The following SLMAP variants were observed in gnomAD, a reference collection of about 807,000 sequenced individuals.
SLMAP encodes sarcolemma associated protein, also known as sarcolemmal membrane-associated protein.
In SLMAP, 44 loss-of-function variants were observed where a neutral mutation model predicts 128.8. That is an observed-to-expected ratio of 0.34 (90% CI 0.27 to 0.44). The LOEUF (loss-of-function observed/expected upper bound fraction) is 0.44. Ranked by LOEUF, SLMAP falls within the 20% of genes least tolerant of loss-of-function variation. The probability of loss-of-function intolerance (pLI) is 1.00; values close to 1 mark genes in which losing one functional copy is unlikely to be tolerated. For missense variants in SLMAP, 787 were observed against 985.3 expected, an observed-to-expected ratio of 0.80 and a Z score of 2.69; for synonymous variants, 327 against 348.8, an observed-to-expected ratio of 0.94 and a Z score of 0.70.
intron 2 of SLMAP, among the ~76,000 whole-genome samples, chr3:57,807,980 C>T (rs560969819): frequency 7.9e-5 from 12 of 152,266 alleles, no homozygotes; most frequent in African/African-American, 2.9e-4. Flanking sequence ...GATTCAGCTT[C>T]TTCCTGGTTT....
At chr3:57,908,304 A>G (rs567969551) in intron 18 of SLMAP, among the ~76,000 whole-genome samples, 1 of 152,246 alleles carries the variant, frequency 6.6e-6, no homozygotes, top group Admixed American at 6.5e-5. Context: ...TCAAATTTCT[A>G]AATTTTTATT....
At chr3:57,910,294 A>G (rs1359571470) in intron 19 of SLMAP, among the ~76,000 whole-genome samples, 2 of 151,980 alleles carry the variant, frequency 1.3e-5, no homozygotes, top group African/African-American at 4.8e-5. Flanking sequence ...AGTTCAAGTG[A>G]TTCTGGAGCC....
At chr3:57,783,629 G>T (rs1000022901) in intron 2 of SLMAP, among the ~76,000 whole-genome samples, 1 of 152,222 alleles carries the variant, frequency 6.6e-6, no homozygotes, top group Non-Finnish European at 1.5e-5. Flanking sequence ...GCTATGTAAA[G>T]AGTGAAAAGG....
At chr3:57,885,234 G>C in intron 14 of SLMAP, among the ~76,000 whole-genome samples, 1 of 151,192 alleles carries the variant, frequency 6.6e-6, no homozygotes. Flanking sequence ...CACCACGCCC[G>C]GCTAAATTTG....
chr3:57,853,351 T>C (rs953272700), intron 6 of SLMAP, among the ~76,000 whole-genome samples: 14 of 152,322 alleles, frequency 9.2e-5, no homozygotes, highest in African/African-American at 2.9e-4. Context: ...AGACAAAATT[T>C]TCCGTAGTCA....
At chr3:57,869,017 A>ATATGTGTATTATATATATAATATATAT (rs2095400282) in intron 13 of SLMAP, among the ~76,000 whole-genome samples, 1 of 139,298 alleles carries the variant, frequency 7.2e-6, no homozygotes, top group African/African-American at 2.7e-5. Context: ...AATATATATT[A>ATATGTGTATTATATATATAATATATAT]TATGTGTATT....
Position 57,912,536 on chromosome 3 carries a change from A to G in SLMAP, c.1855A>G (p.Ile619Val), listed in dbSNP as rs201788826. 12 of 1,614,174 alleles carry G rather than the reference A, an allele frequency of 7.4e-6. No individual in the cohort carries two copies. The highest frequency in any genetic ancestry group is 5.5e-5 in the South Asian group (5 of 91,076). The change falls in exon 20 of 25, where the codon ATT becomes GTT. Residue 619 changes from isoleucine (I) to valine (V), a missense_variant. Ile to Val is a conservative substitution (Grantham distance 29). Coordinates refer to ENST00000671191, the MANE Select transcript of SLMAP (RefSeq NM_001377540.1). Reference protein sequence around the residue: ...AKVASERDTDIASLQEELKKV... With the variant: ...AKVASERDTDVASLQEELKKV... ...GGTTGCCTCTGAGCGGGACACTGAC[A>G]TTGCTTCTTTACAAGAAGAGCTTAA...
intron 3 of SLMAP, among the ~76,000 whole-genome samples, chr3:57,839,700 C>T (rs952623071): frequency 1.4e-4 from 21 of 152,002 alleles, no homozygotes; most frequent in African/African-American, 4.3e-4. Flanking sequence ...GCCTCCCAGG[C>T]TCAAGCGATT....
intron 2 of SLMAP, among the ~76,000 whole-genome samples, chr3:57,826,615 A>G (rs2092944159): frequency 1.3e-5 from 2 of 152,156 alleles, no homozygotes; most frequent in South Asian, 4.1e-4. Context: ...TTCCACTCCC[A>G]GCAGTTTTCC....
Position 57,847,183 on chromosome 3 carries a change from A to AT in SLMAP, c.420-10dup, listed in dbSNP as rs2094297470. On this transcript the variant is annotated splice_polypyrimidine_tract_variant and intron_variant, in intron 4 of 24. Transcript: ENST00000671191. ...TCCGGATATTAGATAAAACTTCTAA[A>AT]TTTTACTTTTCAGTGTCATCCATGC... is the stretch of plus-strand genomic sequence containing the variant. The AT allele has an allele frequency of 8.8e-6, 14 of 1,582,006 alleles. No individual in the cohort carries two copies. Among genetic ancestry groups the AT allele is most frequent in the Non-Finnish European group, 1.0e-5 (12 of 1,157,470 alleles).
At chr3:57,807,252 C>G (rs1330379168) in intron 2 of SLMAP, among the ~76,000 whole-genome samples, 1 of 152,076 alleles carries the variant, frequency 6.6e-6, no homozygotes, top group Non-Finnish European at 1.5e-5. Context: ...CTTATAGATT[C>G]TGGATATTAG....
rs767741519 is a variant in SLMAP, at chr3:57,853,941, CA to C, written c.520-3779del. On this transcript the variant is annotated intron_variant, in intron 6 of 24. Coordinates refer to ENST00000671191, the MANE Select transcript of SLMAP (RefSeq NM_001377540.1). The stretch of plus-strand genomic sequence containing the variant: ...GGACAATAAGGGTGAAATTCTGTCT[CA>C]AAAAAAAAAAAATTATATATATATA... Among the ~76,000 whole-genome samples, 140 of 38,092 alleles carry C rather than the reference CA, an allele frequency of 3.7e-3. 4 individuals are homozygous for C. Among genetic ancestry groups the C allele is most frequent in the African/African-American group, 0.011 (98 of 8,700 alleles). 25.0% of individuals were successfully genotyped at this position (38,092 alleles called of 152,430 possible). A position where few individuals can be genotyped will look rare whatever the true frequency, so the allele number is the denominator to read the frequency against.
At position 57,885,771 on chromosome 3, in the gene SLMAP, CTTTTTTTTTTTTT is replaced by C. The variant is rs35541333; in HGVS notation, c.1301-4252_1301-4240del. 3.0e-4 allele frequency among the ~76,000 whole-genome samples: 16 copies of C among 53,564 alleles called. 1 individual carries two copies. Among genetic ancestry groups the C allele is most frequent in the Middle Eastern group, 0.019 (1 of 54 alleles). 35.1% of individuals were successfully genotyped at this position (53,564 alleles called of 152,430 possible). ...TTGTTTTGCTTTTCGGTTTTTGGTT[CTTTTTTTTTTTTT>C]TTTTTTTTTTTTTTTTTGAGACAGA... On this transcript the variant is annotated intron_variant, in intron 14 of 24. Transcript: ENST00000671191.
In SLMAP at chr3:57,808,308, T is replaced by C. The variant is rs536262974; in HGVS notation, c.199-23075T>C. On this transcript the variant is annotated intron_variant, in intron 2 of 24. Coordinates refer to ENST00000671191, the MANE Select transcript of SLMAP (RefSeq NM_001377540.1). ...TTCTTGTCTTTTGCTAGCTTTTGGA[T>C]TTGTTTACTCTTGCTTCTCTAGCTC... Among the ~76,000 whole-genome samples the C allele has an allele frequency of 2.4e-4, 36 of 152,270 alleles. 1 individual carries two copies. The South Asian group carries it at 7.3e-3, about 31-fold the overall frequency.
chr3:57,795,314 C>T (rs952474288), intron 2 of SLMAP, among the ~76,000 whole-genome samples: 37 of 151,874 alleles, frequency 2.4e-4, no homozygotes, highest in African/African-American at 8.2e-4. Flanking sequence ...CTGAGGCGGG[C>T]GGATCACGAG....
chr3:57,822,716 G>T (rs2092622034), intron 2 of SLMAP, among the ~76,000 whole-genome samples: 1 of 152,152 alleles, frequency 6.6e-6, no homozygotes, highest in African/African-American at 2.4e-5. Context: ...TGTGTATTAT[G>T]ATTGCTATTT....
rs2097049277 is a variant in SLMAP, at chr3:57,929,452, A to T, written c.*2163A>T. ...TCTAGTATCAATATTTACTTCATTC[A>T]AGTGGAATAAATGGCTTTTTGTAGT... On this transcript the variant is annotated 3_prime_UTR_variant, in exon 25 of 25. Transcript: ENST00000671191. 6.6e-6 allele frequency among the ~76,000 whole-genome samples: 1 copy of T among 152,192 alleles called. No homozygotes were observed. The highest frequency in any genetic ancestry group is 2.1e-4 in the South Asian group (1 of 4,830).
chr3:57,869,848 C>G (rs1400286424), intron 13 of SLMAP, among the ~76,000 whole-genome samples: 1 of 151,000 alleles, frequency 6.6e-6, no homozygotes, highest in Non-Finnish European at 1.5e-5. Context: ...GAGCTAGCCA[C>G]ATTTGAAGGG....
At chr3:57,902,923 G>T (rs2096429791) in intron 17 of SLMAP, among the ~76,000 whole-genome samples, 1 of 152,096 alleles carries the variant, frequency 6.6e-6, no homozygotes, top group South Asian at 2.1e-4. Context: ...GTCACCCTAG[G>T]AACTGGAGAT....
Sources: gnomAD v4.1 joint callset for allele counts (sites outside exome capture counted in the v4.1 genomes callset) on GRCh38, gnomAD v4.1.1 for gene constraint, MANE v1.5 for transcripts, NCBI Gene and HGNC (gene_info 2026-07-23, HGNC 2026-07-21) for gene names.